The following BMP1 variants were observed in gnomAD, a reference collection of about 807,000 sequenced individuals.
The protein encoded by BMP1 is bone morphogenetic protein 1.
BMP1 carries 63 observed loss-of-function variants against 116.8 expected under a neutral mutation model. The observed-to-expected ratio is 0.54, with a 90% CI of 0.44 to 0.67. BMP1 has a LOEUF of 0.67. BMP1 is among the 30% of genes least tolerant of loss of function. BMP1 has a pLI of 0.00. For synonymous variants in BMP1, 536 were observed against 533.4 expected (o/e 1.00, Z -0.07); for missense variants, 1,183 against 1,358.9 (o/e 0.87, Z 2.04).
At chr8:22,208,947 G>A (rs894911127) in intron 18 of BMP1, among the ~76,000 whole-genome samples, 17 of 152,304 alleles carry the variant, frequency 1.1e-4, no homozygotes, top group African/African-American at 3.8e-4. Context: ...CCCAGCACAG[G>A]GTCACAAACC....
At chr8:22,192,188 G>A (rs1305929752) in intron 9 of BMP1, 37 bp downstream of exon 9, 1 of 1,564,640 alleles carries the variant, frequency 6.4e-7, no homozygotes. Context: ...CCTCCATGCT[G>A]ATTCCCTCTC....
intron 9 of BMP1, among the ~76,000 whole-genome samples, chr8:22,192,663 T>A (rs565654049): frequency 5.9e-5 from 9 of 152,338 alleles, no homozygotes; most frequent in Non-Finnish European, 1.2e-4. Flanking sequence ...CGACCTTGTC[T>A]GCATAGGATA....
At position 22,201,165 on chromosome 8, in the gene BMP1, A is replaced by C; in HGVS notation, c.2108-638A>C. 1.2e-6 allele frequency: 2 copies of C among 1,606,594 alleles called. 1 individual carries two copies. Among genetic ancestry groups the C allele is most frequent in the South Asian group, 2.2e-5 (2 of 90,848 alleles). On this transcript the variant is annotated intron_variant, in intron 15 of 19. Coordinates refer to ENST00000306385, the MANE Select transcript of BMP1 (RefSeq NM_006129.5). Reference sequence around the variant, plus strand: ...CCCTCGGGGACGCCCCCACCAGCTCAAATTCCGAGTGCAGAAAAGAAACCG... The same window carrying C: ...CCCTCGGGGACGCCCCCACCAGCTCCAATTCCGAGTGCAGAAAAGAAACCG...
intron 6 of BMP1, among the ~76,000 whole-genome samples, chr8:22,178,427 T>C (rs1828516763): frequency 6.6e-6 from 1 of 152,058 alleles, no homozygotes; most frequent in African/African-American, 2.4e-5. Flanking sequence ...GTAGCTAGGA[T>C]GACAGGCACA....
intron 19 of BMP1, among the ~76,000 whole-genome samples, chr8:22,210,225 C>T (rs1265203164): frequency 1.3e-5 from 2 of 152,224 alleles, no homozygotes; most frequent in Admixed American, 6.5e-5. Context: ...GGCCCCTGGG[C>T]ACTGCTTCTT....
intron 5 of BMP1, 50 bp downstream of exon 5, chr8:22,177,189 C>A (rs1017768014): frequency 6.6e-7 from 1 of 1,510,146 alleles, no homozygotes; most frequent in South Asian, 1.3e-5. Context: ...CCCGCCCCAG[C>A]CCCCACCTCC....
chr8:22,176,715 C>T (rs1828447384), intron 4 of BMP1, 65 bp downstream of exon 4: 1 of 1,519,002 alleles, frequency 6.6e-7, no homozygotes, highest in South Asian at 1.1e-5. Context: ...TGCCCTGGGC[C>T]CTGCCACTGC....
rs149787171 is a variant in BMP1 at position 22,189,238 on chromosome 8, A to T, written c.1078-2811A>T. Among the ~76,000 whole-genome samples the T allele has an allele frequency of 3.1e-3, 471 of 152,100 alleles. 3 individuals are homozygous for T. Among genetic ancestry groups the T allele is most frequent in the African/African-American group, 0.011 (457 of 41,470 alleles). ...AGCATGGATGAGTATATATGTATGTATATATATACAAGACAAAAAGGAATT... is the reference window on the plus strand; with the variant it reads ...AGCATGGATGAGTATATATGTATGTTTATATATACAAGACAAAAAGGAATT... On this transcript the variant is annotated intron_variant, in intron 8 of 19. Transcript: ENST00000306385.
At chr8:22,195,632 C>T in intron 13 of BMP1, 45 bp downstream of exon 13, 14 of 1,573,526 alleles carry the variant, frequency 8.9e-6, no homozygotes, top group Non-Finnish European at 1.1e-5. Flanking sequence ...TTCCCTGGCA[C>T]CAGCCCACCT....
chr8:22,186,718 C>T (rs903590708), intron 8 of BMP1, among the ~76,000 whole-genome samples: 1 of 152,086 alleles, frequency 6.6e-6, no homozygotes, highest in East Asian at 1.9e-4. Flanking sequence ...CCTGCCTCAG[C>T]CTCCCTAAGT....
At chr8:22,180,605 C>G (rs1309747182) in intron 8 of BMP1, 122 bp downstream of exon 8, 14 of 869,384 alleles carry the variant, frequency 1.6e-5, no homozygotes, top group Non-Finnish European at 2.4e-5. Context: ...GTAAATGTAT[C>G]AAGTCCAGAG....
In BMP1 at chr8:22,211,789, G is replaced by T. The variant is rs1034066033; in HGVS notation, c.*61G>T. 8 of 1,611,050 alleles carry T rather than the reference G, an allele frequency of 5.0e-6. No individual in the cohort carries two copies. The highest frequency in any genetic ancestry group is 1.3e-5 in the African/African-American group (1 of 74,904). Reference sequence around the variant, plus strand: ...TGCCCTTGGTCGCCTAGACTGGATAGTGGGGGTGGGCGGAAGGCAACGCAC... The same window carrying T: ...TGCCCTTGGTCGCCTAGACTGGATATTGGGGGTGGGCGGAAGGCAACGCAC... On this transcript the variant is annotated 3_prime_UTR_variant, in exon 20 of 20. Transcript: ENST00000306385.
intron 1 of BMP1, among the ~76,000 whole-genome samples, chr8:22,173,255 C>A (rs1320876068): frequency 6.6e-6 from 1 of 152,108 alleles, no homozygotes; most frequent in African/African-American, 2.4e-5. Context: ...ATTTTGAGAC[C>A]AGCCTGGGCA....
chr8:22,201,340 G>A, intron 15 of BMP1: 1 of 1,495,688 alleles, frequency 6.7e-7, no homozygotes, highest in Non-Finnish European at 8.8e-7. Flanking sequence ...GGACAGAACT[G>A]GTGCTCTCTT....
In BMP1 at chr8:22,209,454, G is replaced by C. The variant is rs137965451; in HGVS notation, c.2585G>C (p.Gly862Ala). The C allele has an allele frequency of 5.0e-6, 8 of 1,614,054 alleles. No individual in the cohort carries two copies. In the African/African-American group the frequency reaches 8.0e-5, roughly 16 times the overall value. ...CTCTTGTCCCCTACAGAGTGCGGGG[G>C]CCAGGTACGGGCAGACGTGAAGACC... ...FQASHATECG[G>A]QVRADVKTKD... The change falls in exon 19 of 20, where the codon GGC becomes GCC. Residue 862 changes from glycine (G) to alanine (A), a missense_variant. Physicochemically the swap from Gly to Ala is moderately conservative, Grantham distance 60. Transcript: ENST00000306385.
At chr8:22,201,519 A>C in intron 15 of BMP1, 2 of 1,400,796 alleles carry the variant, frequency 1.4e-6, no homozygotes, top group East Asian at 2.8e-5. Flanking sequence ...CCACTTGTCC[A>C]TCTGTCCAGT....
chr8:22,196,530 G>A (rs1283460083), intron 13 of BMP1, 150 bp from the exon 14 acceptor site: 14 of 1,214,072 alleles, frequency 1.2e-5, no homozygotes, highest in South Asian at 4.1e-5. Context: ...GCCTCCTCCC[G>A]TCCGCCCCAG....
chr8:22,185,828 CTTTTTTTTTTTTT>C (rs71204540), intron 8 of BMP1, among the ~76,000 whole-genome samples: 1 of 80,958 alleles, frequency 1.2e-5, no homozygotes, highest in African/African-American at 5.3e-5. Context: ...CACTGTCTTT[CTTTTTTTTTTTTT>C]TTTTTTTTTT....
At chr8:22,176,497 G>A (rs2131848797) in intron 3 of BMP1, 36 bp from the exon 4 acceptor site, 1 of 1,608,244 alleles carries the variant, frequency 6.2e-7, no homozygotes, top group Non-Finnish European at 8.5e-7. Context: ...GGACTGCCTG[G>A]ACACCGTGGC....
Sources: gnomAD v4.1 joint callset for allele counts (sites outside exome capture counted in the v4.1 genomes callset) on GRCh38, gnomAD v4.1.1 for gene constraint, MANE v1.5 for transcripts, NCBI Gene and HGNC (gene_info 2026-07-23, HGNC 2026-07-21) for gene names.